Variants in QTRT2 observed in about 807,000 individuals in gnomAD.
QTRT2 encodes the protein queuine tRNA-ribosyltransferase accessory subunit 2, also known as queuine tRNA-ribosyltransferase domain containing 1.
QTRT2 carries 32 observed loss-of-function variants against 44.8 expected under a neutral mutation model. The observed-to-expected ratio is 0.71, with a 90% confidence interval of 0.54 to 0.96. QTRT2 has a LOEUF of 0.96. QTRT2 is among the 40% of genes least tolerant of loss of function. QTRT2 has a pLI of 0.00. For missense variants in QTRT2, 461 were observed against 503.1 expected, an observed-to-expected ratio of 0.92 and a Z score of 0.80; for synonymous variants, 182 against 187.4, an observed-to-expected ratio of 0.97 and a Z score of 0.24.
chr3:114,085,052 A>G (rs1312246786), intron 9 of QTRT2, among the ~76,000 whole-genome samples: 1 of 152,122 alleles, frequency 6.6e-6, no homozygotes, highest in Non-Finnish European at 1.5e-5. Flanking sequence ...AGTGTTTCCT[A>G]ACATTATGTG....
chr3:114,071,546 G>A (rs990961742), intron 6 of QTRT2, among the ~76,000 whole-genome samples: 8 of 152,054 alleles, frequency 5.3e-5, no homozygotes, highest in Admixed American at 2.6e-4. Flanking sequence ...TGATCTGCCC[G>A]CCTCTGCCTC....
In QTRT2 at chr3:114,060,593, TAGAC is replaced by T. The variant is rs201114251; in HGVS notation, c.-22+3493_-22+3496del. Among the ~76,000 whole-genome samples the T allele has an allele frequency of 4.1e-4, 63 of 152,220 alleles. No homozygotes were observed. In the East Asian group the frequency reaches 7.9e-3, roughly 19 times the overall value. On this transcript the variant is annotated intron_variant, in intron 2 of 9. Coordinates refer to ENST00000281273, the MANE Select transcript of QTRT2 (RefSeq NM_024638.4). ...TAGATAGATCCAAACCCTAAATAGA[TAGAC>T]AGACAATAGACAGACAGTATGATGT...
chr3:114,068,685 C>T (rs1370774998), intron 5 of QTRT2, among the ~76,000 whole-genome samples: 1 of 152,140 alleles, frequency 6.6e-6, no homozygotes, highest in East Asian at 1.9e-4. Flanking sequence ...TTAATTGTGC[C>T]CCTCAGAACA....
intron 9 of QTRT2, among the ~76,000 whole-genome samples, chr3:114,085,280 T>C (rs2077220283): frequency 6.6e-6 from 1 of 152,142 alleles, no homozygotes; most frequent in South Asian, 2.1e-4. Flanking sequence ...CGATCTTGGC[T>C]CACCACAACC....
intron 2 of QTRT2, among the ~76,000 whole-genome samples, chr3:114,064,067 C>T (rs774052304): frequency 2.6e-5 from 4 of 151,866 alleles, no homozygotes; most frequent in Admixed American, 2.0e-4. Context: ...ATACAAAAGT[C>T]ATCTGGGCAT....
At chr3:114,068,193 T>C (rs375310201) in intron 5 of QTRT2, 130 bp downstream of exon 5, 30 of 732,782 alleles carry the variant, frequency 4.1e-5, no homozygotes, top group African/African-American at 2.3e-4. Context: ...TCGATAATTA[T>C]AGTGGGATGG....
intron 2 of QTRT2, among the ~76,000 whole-genome samples, chr3:114,062,503 G>A (rs1203528820): frequency 6.6e-6 from 1 of 152,154 alleles, no homozygotes; most frequent in Non-Finnish European, 1.5e-5. Context: ...GGGTGATGTG[G>A]TGATGAGGAA....
At chr3:114,082,575 T>C in intron 8 of QTRT2, 102 bp from the exon 9 acceptor site, 1 of 526,886 alleles carries the variant, frequency 1.9e-6, no homozygotes. Flanking sequence ...GGAGTGAAAT[T>C]ACAGAGTCAA....
chr3:114,066,436 A>T, intron 4 of QTRT2, 153 bp downstream of exon 4: 1 of 576,466 alleles, frequency 1.7e-6, no homozygotes. Context: ...TGGCAAGTCA[A>T]GATTGAATAG....
At position 114,086,065 on chromosome 3, in the gene QTRT2, G is replaced by C. The variant is rs2077233547; in HGVS notation, c.*161G>C. The C allele has an allele frequency of 1.6e-6, 1 of 621,376 alleles. No homozygotes were observed. The allele number at this position is 621,376 out of a possible 1,614,324, so 38.5% of individuals were successfully genotyped here. ...TGTACCAAACTGCCCACATGAGGGTGAAGAGATTTCCTCAAAAGACTTAAA... is the reference window on the plus strand; with the variant it reads ...TGTACCAAACTGCCCACATGAGGGTCAAGAGATTTCCTCAAAAGACTTAAA... On this transcript the variant is annotated 3_prime_UTR_variant, in exon 10 of 10. Transcript: ENST00000281273.
intron 6 of QTRT2, among the ~76,000 whole-genome samples, chr3:114,071,556 C>T (rs1018780236): frequency 2.6e-5 from 4 of 152,182 alleles, no homozygotes; most frequent in Non-Finnish European, 4.4e-5. Flanking sequence ...GCCTCTGCCT[C>T]CCAAAGTGCT....
At chr3:114,080,111 A>G (rs2077148696) in intron 8 of QTRT2, 54 bp downstream of exon 8, 1 of 1,485,830 alleles carries the variant, frequency 6.7e-7, no homozygotes, top group African/African-American at 1.4e-5. Flanking sequence ...TTTCCTGTTA[A>G]TTTTTGGCTT....
intron 4 of QTRT2, among the ~76,000 whole-genome samples, chr3:114,066,857 C>CA (rs2076960578): frequency 6.6e-6 from 1 of 152,166 alleles, no homozygotes; most frequent in Non-Finnish European, 1.5e-5. Flanking sequence ...GCTTGAACCT[C>CA]AAACATGCAG....
At chr3:114,085,355 G>A (rs2077221314) in intron 9 of QTRT2, among the ~76,000 whole-genome samples, 1 of 151,972 alleles carries the variant, frequency 6.6e-6, no homozygotes, top group Non-Finnish European at 1.5e-5. Flanking sequence ...CTACAGGCAC[G>A]CGCCACCATG....
intron 6 of QTRT2, among the ~76,000 whole-genome samples, chr3:114,071,352 G>A (rs2077021719): frequency 6.6e-6 from 1 of 152,122 alleles, no homozygotes; most frequent in South Asian, 2.1e-4. Context: ...AGGCTGGAGT[G>A]CAGTGGTGCT....
chr3:114,067,950 T>C (rs2076975609), intron 4 of QTRT2, 37 bp from the exon 5 acceptor site: 6 of 1,584,354 alleles, frequency 3.8e-6, no homozygotes, highest in Non-Finnish European at 5.2e-6. Flanking sequence ...ATTGTTGATG[T>C]AAGCACTTTC....
In QTRT2 at chr3:114,076,074, A is replaced by C. The variant is rs182725877; in HGVS notation, c.547-669A>C. Among the ~76,000 whole-genome samples the C allele has an allele frequency of 5.3e-5, 8 of 152,312 alleles. No individual in the cohort carries two copies. In the South Asian group the frequency reaches 8.3e-4, roughly 16 times the overall value. On this transcript the variant is annotated intron_variant, in intron 6 of 9. Transcript: ENST00000281273. The stretch of plus-strand genomic sequence containing the variant: ...AGTTATCTCTAGCTAAGAGACTTGG[A>C]GGTAGTCTAAAGCAGGCCTGGATAG...
intron 6 of QTRT2, among the ~76,000 whole-genome samples, chr3:114,071,519 G>A (rs59968325): frequency 0.037 from 5,602 of 152,158 alleles, 330 homozygotes; most frequent in African/African-American, 0.13. Context: ...GGCTGGTCTT[G>A]AACTTTTGAC....
rs575717759 is a variant in QTRT2, at chr3:114,081,893, T to A, written c.899-784T>A. The stretch of plus-strand genomic sequence containing the variant: ...CCTGTCTTTCTCCTGGGACCAACAC[T>A]GAGATTTGTTATCATTTGTTCCCAA... On this transcript the variant is annotated intron_variant, in intron 8 of 9. Transcript: ENST00000281273. 7.2e-5 allele frequency among the ~76,000 whole-genome samples: 11 copies of A among 152,288 alleles called. No homozygotes were observed. The East Asian group carries it at 9.6e-4, about 13-fold the overall frequency.
Sources: gnomAD v4.1 joint callset for allele counts (sites outside exome capture counted in the v4.1 genomes callset) on GRCh38, gnomAD v4.1.1 for gene constraint, MANE v1.5 for transcripts, NCBI Gene and HGNC (gene_info 2026-07-23, HGNC 2026-07-21) for gene names.